The following DISC1 variants were observed in gnomAD, a reference collection of about 807,000 sequenced individuals.
DISC1 encodes the protein disrupted in schizophrenia 1 protein.
In DISC1, 57 loss-of-function variants were observed where a neutral mutation model predicts 84.5. The ratio of observed to expected loss-of-function variants is 0.67; its 90% confidence interval spans 0.55 to 0.84. The LOEUF (loss-of-function observed/expected upper bound fraction) is 0.84. DISC1 is among the 40% of genes least tolerant of loss of function. The pLI is 0.00. For synonymous variants in DISC1, 411 were observed against 415.2 expected, an observed-to-expected ratio of 0.99 and a Z score of 0.12; for missense variants, 1,000 against 1,057.8, an observed-to-expected ratio of 0.95 and a Z score of 0.76.
chr1:231,879,166 C>T (rs936423544), intron 9 of DISC1, among the ~76,000 whole-genome samples: 3 of 151,392 alleles, frequency 2.0e-5, no homozygotes, highest in Admixed American at 2.0e-4. Context: ...AAATCTGAAA[C>T]GTGAAATGCT....
intron 9 of DISC1, among the ~76,000 whole-genome samples, chr1:231,836,909 C>T (rs1275207332): frequency 6.6e-6 from 1 of 151,982 alleles, no homozygotes; most frequent in African/African-American, 2.4e-5. Context: ...TGTAGTCAGT[C>T]TCTCTGTTCC....
At chr1:231,718,625 G>A (rs1345613220) in intron 3 of DISC1, among the ~76,000 whole-genome samples, 6 of 152,056 alleles carry the variant, frequency 3.9e-5, no homozygotes, top group Non-Finnish European at 5.9e-5. Flanking sequence ...TAGTAGAGAC[G>A]GGGTTTCTCC....
chr1:231,992,902 T>C (rs531732031), intron 10 of DISC1, among the ~76,000 whole-genome samples: 6 of 152,316 alleles, frequency 3.9e-5, no homozygotes, highest in African/African-American at 1.4e-4. Context: ...ATAGGCTTCA[T>C]AGGGTTTTAA....
At chr1:231,982,605 T>G (rs1663772853) in intron 10 of DISC1, among the ~76,000 whole-genome samples, 1 of 152,194 alleles carries the variant, frequency 6.6e-6, no homozygotes, top group South Asian at 2.1e-4. Flanking sequence ...AATAGGCTTA[T>G]GTGCTAGCTG....
At chr1:231,691,625 G>A (rs16854783) in intron 1 of DISC1, among the ~76,000 whole-genome samples, 57,471 of 152,110 alleles carry the variant, frequency 0.38, 11,190 homozygotes, top group African/African-American at 0.47. Context: ...ACCACAGACA[G>A]TATAGGTTTC....
intron 3 of DISC1, among the ~76,000 whole-genome samples, chr1:231,746,379 C>T (rs1433349542): frequency 1.3e-5 from 2 of 152,116 alleles, no homozygotes; most frequent in African/African-American, 4.8e-5. Flanking sequence ...GATTCCATAT[C>T]TTGACTAATA....
At chr1:231,643,902 A>G (rs199932708) in intron 1 of DISC1, among the ~76,000 whole-genome samples, 2 of 152,156 alleles carry the variant, frequency 1.3e-5, no homozygotes, top group Non-Finnish European at 2.9e-5. Flanking sequence ...TTTCTAATTC[A>G]TCAGCTCAGA....
intron 3 of DISC1, among the ~76,000 whole-genome samples, chr1:231,740,372 G>A (rs1284190438): frequency 1.3e-5 from 2 of 152,202 alleles, no homozygotes; most frequent in Non-Finnish European, 2.9e-5. Flanking sequence ...TGCACAGTTA[G>A]TGTCAAAGCC....
intron 10 of DISC1, among the ~76,000 whole-genome samples, chr1:232,002,842 A>T (rs904575099): frequency 1.3e-5 from 2 of 152,168 alleles, no homozygotes; most frequent in Non-Finnish European, 2.9e-5. Context: ...GAATGTGGTA[A>T]GGGGTACCTG....
At chr1:231,862,814 C>G (rs1408488060) in intron 9 of DISC1, among the ~76,000 whole-genome samples, 1 of 152,184 alleles carries the variant, frequency 6.6e-6, no homozygotes, top group African/African-American at 2.4e-5. Flanking sequence ...TGATGTGATG[C>G]TGGCAGCAGC....
intron 3 of DISC1, among the ~76,000 whole-genome samples, chr1:231,706,649 C>T (rs1006614258): frequency 1.3e-5 from 2 of 152,224 alleles, no homozygotes; most frequent in African/African-American, 4.8e-5. Context: ...TAGCCAGCAT[C>T]ATATTACTTT....
intron 3 of DISC1, among the ~76,000 whole-genome samples, chr1:231,725,613 G>A (rs1340983): frequency 0.37 from 57,005 of 152,132 alleles, 10,955 homozygotes; most frequent in African/African-American, 0.45. Context: ...CCTGCTCTGC[G>A]AGGAGCAGTA....
rs747041618 is a variant in DISC1 at position 231,698,160 on chromosome 1, C to T, written c.1047+3355C>T. 5.3e-5 allele frequency among the ~76,000 whole-genome samples: 8 copies of T among 152,120 alleles called. No homozygotes were observed. Among genetic ancestry groups the T allele is most frequent in the Non-Finnish European group, 1.0e-4 (7 of 68,022 alleles). ...CACATAGAACAAGGTCATGTGTTGA[C>T]CGATGGAGGAAGGTGTTGTGACCAG... On this transcript the variant is annotated intron_variant, in intron 2 of 12. Transcript: ENST00000439617. The surrounding 1 kb of genome is among the most constrained non-coding windows in gnomAD (Gnocchi z 4.9).
intron 9 of DISC1, among the ~76,000 whole-genome samples, chr1:231,870,630 T>C (rs1356319791): frequency 6.6e-6 from 1 of 152,180 alleles, no homozygotes; most frequent in African/African-American, 2.4e-5. Context: ...AACTGTGGCA[T>C]GTTTGGGGCT....
At chr1:232,012,824 G>C (rs1025560210) in intron 11 of DISC1, among the ~76,000 whole-genome samples, 3 of 152,300 alleles carry the variant, frequency 2.0e-5, no homozygotes, top group South Asian at 4.1e-4. Context: ...CCATTTTACA[G>C]CTGGGCCCAT....
chr1:231,869,714 A>G (rs1030646094), intron 9 of DISC1, among the ~76,000 whole-genome samples: 4 of 152,142 alleles, frequency 2.6e-5, no homozygotes, highest in African/African-American at 9.6e-5. Flanking sequence ...ACCTGCACCT[A>G]TGCCTCAAAC....
At chr1:231,651,042 T>G (rs1008494210) in intron 1 of DISC1, among the ~76,000 whole-genome samples, 3 of 152,204 alleles carry the variant, frequency 2.0e-5, no homozygotes, top group Non-Finnish European at 2.9e-5. Flanking sequence ...TTGTTATTAC[T>G]GACCTTCTGA....
At chr1:231,933,672 A>G (rs1015646055) in intron 9 of DISC1, among the ~76,000 whole-genome samples, 1 of 152,216 alleles carries the variant, frequency 6.6e-6, no homozygotes, top group Non-Finnish European at 1.5e-5. Flanking sequence ...ATTTCCAGAA[A>G]AAAAATTTTC....
Position 231,626,830 on chromosome 1 carries a change from C to A in DISC1, c.-38C>A. ...CTGGCCTCGGGGAAGGAGCAGGAGG[C>A]AGCCCAGGCGGAGCGGGAGGAGCTG... On this transcript the variant is annotated 5_prime_UTR_variant, in exon 1 of 13. Coordinates refer to ENST00000439617, the MANE Select transcript of DISC1 (RefSeq NM_018662.3). 1 of 1,412,660 alleles carries A rather than the reference C, an allele frequency of 7.1e-7. No homozygotes were observed. The highest frequency in any genetic ancestry group is 9.2e-7 in the Non-Finnish European group (1 of 1,090,044). 87.5% of individuals were successfully genotyped at this position (1,412,660 alleles called of 1,614,324 possible). A position where few individuals can be genotyped will look rare whatever the true frequency, so the allele number is the denominator to read the frequency against.
Sources: allele counts gnomAD v4.1 joint callset (sites outside exome capture counted in the v4.1 genomes callset), GRCh38; gene constraint gnomAD v4.1.1; non-coding constraint Gnocchi (gnomAD v3.1); transcripts MANE v1.5; gene names NCBI Gene and HGNC (gene_info 2026-07-23, HGNC 2026-07-21).